ASTN1: variants seen among roughly 807,000 people sequenced by gnomAD.
ASTN1 encodes the protein astrotactin-1.
A neutral mutation model predicts 140.7 loss-of-function variants in ASTN1; 41 were observed. The ratio of observed to expected loss-of-function variants is 0.29; its 90% confidence interval spans 0.23 to 0.38. The LOEUF (loss-of-function observed/expected upper bound fraction) is 0.38. Ranked by LOEUF, ASTN1 falls within the 10% of genes least tolerant of loss-of-function variation. ASTN1 has a pLI of 1.00. For missense variants in ASTN1, 1,479 were observed against 1,678.8 expected (o/e 0.88, Z 2.08); for synonymous variants, 640 against 652.2 (o/e 0.98, Z 0.29).
At chr1:176,894,260 G>A (rs990788848) in intron 17 of ASTN1, among the ~76,000 whole-genome samples, 6 of 152,156 alleles carry the variant, frequency 3.9e-5, no homozygotes, top group African/African-American at 1.2e-4. Context: ...AGGGTTCTCT[G>A]AACAATGATT....
Position 176,949,560 on chromosome 1 carries a change from A to G in ASTN1, c.1888-209T>C, listed in dbSNP as rs530469165. Among the ~76,000 whole-genome samples, 6 of 152,322 alleles carry G rather than the reference A, an allele frequency of 3.9e-5. No individual in the cohort carries two copies. The South Asian group carries it at 1.2e-3, about 32-fold the overall frequency. On this transcript the variant is annotated intron_variant, in intron 11 of 22. Transcript: ENST00000361833. ...TCTTTCTTCTTCTCTCTAGACACTG[A>G]TCACACACATTTGCATTAAAGACAC...
intron 1 of ASTN1, among the ~76,000 whole-genome samples, chr1:177,163,249 A>T (rs1647494602): frequency 6.6e-6 from 1 of 152,140 alleles, no homozygotes; most frequent in Non-Finnish European, 1.5e-5. Context: ...CTCTACTTGG[A>T]TCTAGAGACT....
intron 20 of ASTN1, among the ~76,000 whole-genome samples, chr1:176,881,210 C>A (rs1428415869): frequency 6.6e-6 from 1 of 152,148 alleles, no homozygotes; most frequent in Non-Finnish European, 1.5e-5. Flanking sequence ...TCTTCCTTAG[C>A]CCCCTGCATT....
intron 16 of ASTN1, among the ~76,000 whole-genome samples, chr1:176,926,088 T>A (rs554479707): frequency 6.6e-6 from 1 of 152,172 alleles, no homozygotes; most frequent in East Asian, 1.9e-4. Flanking sequence ...ATTACAGGTG[T>A]GAGCCACCGC....
chr1:176,909,641 A>G (rs1172908375), intron 16 of ASTN1, among the ~76,000 whole-genome samples: 1 of 152,210 alleles, frequency 6.6e-6, no homozygotes, highest in Non-Finnish European at 1.5e-5. Flanking sequence ...TGGTGCTCGC[A>G]TGGGGTGAAT....
intron 1 of ASTN1, among the ~76,000 whole-genome samples, chr1:177,132,845 T>C (rs1305994019): frequency 1.3e-5 from 2 of 152,198 alleles, no homozygotes; most frequent in Non-Finnish European, 2.9e-5. Flanking sequence ...CATTTGCTTA[T>C]GCATTTCCCA....
chr1:177,151,906 T>C (rs1683054747), intron 1 of ASTN1, among the ~76,000 whole-genome samples: 1 of 152,116 alleles, frequency 6.6e-6, no homozygotes, highest in Non-Finnish European at 1.5e-5. Context: ...CATGTGTTTG[T>C]ACAGAAGGAA....
At chr1:177,063,764 C>T (rs760370121) in intron 1 of ASTN1, among the ~76,000 whole-genome samples, 25 of 152,110 alleles carry the variant, frequency 1.6e-4, no homozygotes, top group Non-Finnish European at 2.9e-4. Context: ...GTTATTGCAG[C>T]GGAAACCAAA....
intron 4 of ASTN1, among the ~76,000 whole-genome samples, chr1:177,030,116 G>A (rs1676350540): frequency 6.6e-6 from 1 of 152,174 alleles, no homozygotes; most frequent in African/African-American, 2.4e-5. Context: ...TTACATCTTT[G>A]TGTTTTTTCT....
intron 11 of ASTN1, among the ~76,000 whole-genome samples, chr1:176,950,475 G>A (rs1571556136): frequency 1.3e-5 from 2 of 152,248 alleles, no homozygotes; most frequent in South Asian, 2.1e-4. Flanking sequence ...CTATGCTTAA[G>A]TACTTTAGGT....
chr1:176,982,308 T>G (rs10913283), intron 8 of ASTN1, among the ~76,000 whole-genome samples: 4,999 of 152,298 alleles, frequency 0.033, 274 homozygotes, highest in African/African-American at 0.11. Context: ...ATGAGGGCTA[T>G]GCAAACCGAG....
chr1:176,965,086 C>G lies in ASTN1; in HGVS notation c.1598+77G>C. 3 of 1,384,466 alleles carry G rather than the reference C, an allele frequency of 2.2e-6. No homozygotes were observed. The South Asian group carries it at 3.5e-5, about 16-fold the overall frequency. The allele number at this position is 1,384,466 out of a possible 1,614,324, so 85.8% of individuals were successfully genotyped here. A position where few individuals can be genotyped will look rare whatever the true frequency, so the allele number is the denominator to read the frequency against. ...TGTTTCCTATTTTATACTTTACCAA[C>G]TAGGAAAGTCAGTTCGGGGGAAGCG... On this transcript the variant is annotated intron_variant, in intron 9 of 22. Coordinates refer to ENST00000361833, the MANE Select transcript of ASTN1 (RefSeq NM_004319.3).
At position 176,958,478 on chromosome 1, in the gene ASTN1, T is replaced by A. The variant is rs773334150; in HGVS notation, c.1603A>T (p.Thr535Ser). ...EQPSDKIFRF[T>S]YTLGEGMWLP... ...CACATGCCCTCCCCAAGAGTGTAGG[T>A]GAATCTGCAGGGACACCCAGTGCCA... The change falls in exon 10 of 23, where the codon ACC (threonine) becomes TCC (serine). Residue 535 changes from threonine to serine, a missense_variant. Physicochemically the swap from Thr to Ser is moderately conservative, Grantham distance 58. Around this residue, in one of 3 missense-constraint regions of ASTN1, gnomAD observed 729 missense variants for 860.4 expected, o/e 0.85. Coordinates refer to ENST00000361833, the MANE Select transcript of ASTN1 (RefSeq NM_004319.3). 6.2e-7 allele frequency: 1 copy of A among 1,610,466 alleles called. No individual in the cohort carries two copies. The highest frequency in any genetic ancestry group is 1.3e-5 in the African/African-American group (1 of 74,848).
At chr1:177,086,609 A>G (rs1441056825) in intron 1 of ASTN1, among the ~76,000 whole-genome samples, 3 of 152,242 alleles carry the variant, frequency 2.0e-5, no homozygotes, top group Admixed American at 2.0e-4. Context: ...AAGAACATTT[A>G]ATGACATGAC....
At chr1:176,959,151 C>T (rs1031477985) in intron 9 of ASTN1, among the ~76,000 whole-genome samples, 1 of 152,080 alleles carries the variant, frequency 6.6e-6, no homozygotes, top group Non-Finnish European at 1.5e-5. Context: ...AAGAATCAAT[C>T]GGCATTTCAA....
At chr1:177,128,105 A>G (rs10753143) in intron 1 of ASTN1, among the ~76,000 whole-genome samples, 43,767 of 152,134 alleles carry the variant, frequency 0.29, 10,349 homozygotes, top group African/African-American at 0.65. Context: ...AGGAATTTAA[A>G]GGTTATTCAC....
At chr1:177,122,186 CTT>C (rs983921759) in intron 1 of ASTN1, among the ~76,000 whole-genome samples, 1 of 152,104 alleles carries the variant, frequency 6.6e-6, no homozygotes, top group African/African-American at 2.4e-5. Flanking sequence ...CGAGGGTAAA[CTT>C]TGTGTTGCAG....
chr1:177,155,260 T>C (rs1254164255), intron 1 of ASTN1, among the ~76,000 whole-genome samples: 3 of 152,214 alleles, frequency 2.0e-5, no homozygotes, highest in Non-Finnish European at 4.4e-5. Context: ...GTGATCAAAC[T>C]GTTCTGTATG....
intron 8 of ASTN1, among the ~76,000 whole-genome samples, chr1:177,006,404 TAA>T (rs75564740): frequency 1.4e-5 from 2 of 142,868 alleles, no homozygotes; most frequent in African/African-American, 5.1e-5. Context: ...TTCTATTGAT[TAA>T]AAAAAAAAAA....
Sources: gnomAD v4.1 joint callset for allele counts (sites outside exome capture counted in the v4.1 genomes callset) on GRCh38, gnomAD v4.1.1 for gene constraint, gnomAD v4.1.1 regional missense constraint, MANE v1.5 for transcripts, NCBI Gene and HGNC (gene_info 2026-07-23, HGNC 2026-07-21) for gene names.